BTBD18: variants seen among roughly 807,000 people sequenced by gnomAD.
The protein encoded by BTBD18 is BTB/POZ domain-containing protein 18.
For missense variants in BTBD18, 787 were observed against 846.3 expected, an observed-to-expected ratio of 0.93 and a Z score of 0.87; for synonymous variants, 311 against 324.4, an observed-to-expected ratio of 0.96 and a Z score of 0.44.
chr11:57,750,620 C>T (rs948694146), intron 2 of BTBD18, among the ~76,000 whole-genome samples: 1 of 151,674 alleles, frequency 6.6e-6, no homozygotes, highest in Non-Finnish European at 1.5e-5. Flanking sequence ...TCACTTGAAC[C>T]CAGGAGGTGG....
intron 2 of BTBD18, among the ~76,000 whole-genome samples, chr11:57,747,727 G>C (rs1949225251): frequency 6.6e-6 from 1 of 152,074 alleles, no homozygotes. Context: ...TTGAACTCCT[G>C]ACCTCAGGTG....
At chr11:57,750,246 A>G (rs1949279804) in intron 2 of BTBD18, among the ~76,000 whole-genome samples, 1 of 152,002 alleles carries the variant, frequency 6.6e-6, no homozygotes, top group Non-Finnish European at 1.5e-5. Context: ...GTGTGGTGGC[A>G]CGCACCTGTA....
chr11:57,751,379 C>T lies in BTBD18; in HGVS notation c.-48-143G>A, dbSNP rs78109339. ...CCCAGAAATTGTGCCAAGGATATCT[C>T]AAGAAAGAAAATTATCATAGTGGTT... On this transcript the variant is annotated intron_variant, in intron 1 of 2. Transcript: ENST00000422652. 13,871 of 452,232 alleles carry T rather than the reference C, an allele frequency of 0.031. 312 individuals are homozygous for T. The highest frequency in any genetic ancestry group is 0.037 in the Non-Finnish European group (9,633 of 260,312). The allele number at this position is 452,232 out of a possible 1,614,324, so 28.0% of individuals were successfully genotyped here.
rs760296393 is a variant in BTBD18, at chr11:57,745,140, T to C, written c.1133A>G (p.Lys378Arg). Reference protein sequence around the residue: ...CWEVVQETPLKNTQDSPQIPD... With the variant: ...CWEVVQETPLRNTQDSPQIPD... ...GATCTGGGGGCTATCTTGAGTGTTT[T>C]TGAGAGGAGTCTCTTGTACCACTTC... The change falls in exon 3 of 3, where the codon AAA becomes AGA. Residue 378 changes from lysine to arginine, a missense_variant. Coordinates refer to ENST00000422652, the MANE Select transcript of BTBD18 (RefSeq NM_001145101.3). 76 of 1,551,718 alleles carry C rather than the reference T, an allele frequency of 4.9e-5. No homozygotes were observed. The highest frequency in any genetic ancestry group is 3.7e-4 in the East Asian group (15 of 40,924).
In BTBD18 at chr11:57,745,678, C is replaced by T. The variant is rs778310503; in HGVS notation, c.595G>A (p.Asp199Asn). 5.8e-6 allele frequency: 9 copies of T among 1,551,558 alleles called. No homozygotes were observed. In the African/African-American group the frequency reaches 6.8e-5, roughly 12 times the overall value. The change falls in exon 3 of 3, where the codon GAC (aspartate) becomes AAC (asparagine). Residue 199 changes from aspartate (D) to asparagine (N), a missense_variant. Asp to Asn is a conservative substitution (Grantham distance 23). Transcript: ENST00000422652. ...AGCAGAAGAGTGCCAGACAAATTGT[C>T]TGCATTCTGTCGGTTGTTTTCCTGG... ...GPQENNRQNA[D>N]NLSGTLLLKR...
chr11:57,746,274 G>GA (rs1322912943), intron 2 of BTBD18, 126 bp from the exon 3 acceptor site: 1 of 705,568 alleles, frequency 1.4e-6, no homozygotes, highest in Non-Finnish European at 2.2e-6. Flanking sequence ...TCAAGTAAAA[G>GA]AAAAAAATTA....
intron 2 of BTBD18, among the ~76,000 whole-genome samples, chr11:57,748,067 G>A (rs1371060182): frequency 6.6e-6 from 1 of 152,144 alleles, no homozygotes; most frequent in Non-Finnish European, 1.5e-5. Flanking sequence ...CTCCCAAAGT[G>A]CTGGGATTGC....
Position 57,743,870 on chromosome 11 carries a change from G to T in BTBD18, c.*264C>A. 2.8e-6 allele frequency: 1 copy of T among 359,966 alleles called. No individual in the cohort carries two copies. The highest frequency in any genetic ancestry group is 4.5e-5 in the South Asian group (1 of 22,024). 22.3% of individuals were successfully genotyped at this position (359,966 alleles called of 1,614,324 possible). ...CTGTTACCTATGACCCACCAGAATT[G>T]GGGAGCACACAGTTTGTTTCAGTTG... On this transcript the variant is annotated 3_prime_UTR_variant, in exon 3 of 3. Coordinates refer to ENST00000422652, the MANE Select transcript of BTBD18 (RefSeq NM_001145101.3).
In BTBD18 at chr11:57,746,030, C is replaced by T. The variant is rs1949181289; in HGVS notation, c.243G>A (p.Leu81=). 1.3e-6 allele frequency: 2 copies of T among 1,551,578 alleles called. No homozygotes were observed. The highest frequency in any genetic ancestry group is 8.7e-7 in the Non-Finnish European group (1 of 1,146,988). Residue 81 remains leucine (L), a synonymous_variant, in exon 3 of 3, where the codon CTG becomes CTA. Coordinates refer to ENST00000422652, the MANE Select transcript of BTBD18 (RefSeq NM_001145101.3). The stretch of plus-strand genomic sequence containing the variant: ...CCAGCTTCCTAAGTGTGCTGATCTT[C>T]AGGCCACCCAGCTCTAGCACCACCT... The part of the protein sequence containing the change: ...GGKVVLELGG[L]KISTLRKLVD...
In BTBD18 at chr11:57,745,937, G is replaced by A; in HGVS notation, c.336C>T (p.Ala112=). 1 of 1,551,638 alleles carries A rather than the reference G, an allele frequency of 6.4e-7. No homozygotes were observed. The highest frequency in any genetic ancestry group is 1.2e-5 in the South Asian group (1 of 84,052). Residue 112 remains alanine (A), a synonymous_variant, in exon 3 of 3, where the codon GCC becomes GCT. Coordinates refer to ENST00000422652, the MANE Select transcript of BTBD18 (RefSeq NM_001145101.3). The stretch of plus-strand genomic sequence containing the variant: ...CCAGCTCAGACACACGGAGCTGACG[G>A]GCAGCAGATAGCACATCCTGGGCTT... The part of the protein sequence containing the change: ...QEEAQDVLSA[A]RQLRVSELES...
chr11:57,744,090 A>G lies in BTBD18; in HGVS notation c.*44T>C, dbSNP rs1212027815. 3.6e-6 allele frequency: 5 copies of G among 1,372,208 alleles called. No homozygotes were observed. The highest frequency in any genetic ancestry group is 1.4e-5 in the South Asian group (1 of 71,216). 85.0% of individuals were successfully genotyped at this position (1,372,208 alleles called of 1,614,324 possible). On this transcript the variant is annotated 3_prime_UTR_variant, in exon 3 of 3. Coordinates refer to ENST00000422652, the MANE Select transcript of BTBD18 (RefSeq NM_001145101.3). ...GCCAGTAAGCCTTTTGCTAGCTAAC[A>G]TTTCCCACCCTCCCAAGGCCCCTAA...
intron 2 of BTBD18, among the ~76,000 whole-genome samples, chr11:57,750,362 G>C (rs1241354955): frequency 6.6e-6 from 1 of 151,920 alleles, no homozygotes; most frequent in Non-Finnish European, 1.5e-5. Flanking sequence ...GGGAGACAGA[G>C]AGAGACTCTG....
chr11:57,751,189 G>A lies in BTBD18; in HGVS notation c.-1C>T, dbSNP rs1432904478. The A allele has an allele frequency of 6.5e-7, 1 of 1,537,594 alleles. No homozygotes were observed. The highest frequency in any genetic ancestry group is 8.8e-7 in the Non-Finnish European group (1 of 1,142,082). ...TTTTGGGACTGGCAGGAGAGCACATGTTGGCAAGAGTCTTAACAAACCTTC... is the reference window on the plus strand; with the variant it reads ...TTTTGGGACTGGCAGGAGAGCACATATTGGCAAGAGTCTTAACAAACCTTC... On this transcript the variant is annotated 5_prime_UTR_variant, in exon 2 of 3. Transcript: ENST00000422652.
At position 57,745,003 on chromosome 11, in the gene BTBD18, T is replaced by G; in HGVS notation, c.1270A>C (p.Thr424Pro). 6.4e-7 allele frequency: 1 copy of G among 1,551,678 alleles called. No homozygotes were observed. The highest frequency in any genetic ancestry group is 8.7e-7 in the Non-Finnish European group (1 of 1,146,966). Residue 424 changes from threonine (T) to proline (P), a missense_variant, in exon 3 of 3, where the codon ACT becomes CCT. Transcript: ENST00000422652. ...TELCQDSPMC[T>P]KLQDILVSAS... ...GAGACCAGAATGTCTTGTAGCTTAGTGCACATGGGGGAGTCCTGACACAGT... is the reference window on the plus strand; with the variant it reads ...GAGACCAGAATGTCTTGTAGCTTAGGGCACATGGGGGAGTCCTGACACAGT...
intron 2 of BTBD18, among the ~76,000 whole-genome samples, chr11:57,747,431 C>A (rs1949217554): frequency 6.6e-6 from 1 of 152,238 alleles, no homozygotes; most frequent in South Asian, 2.1e-4. Flanking sequence ...ACCCAGTTGC[C>A]TGAGCTTGAA....
intron 2 of BTBD18, among the ~76,000 whole-genome samples, chr11:57,746,583 C>G (rs559109360): frequency 6.6e-6 from 1 of 152,094 alleles, no homozygotes; most frequent in African/African-American, 2.4e-5. Flanking sequence ...CTCGGCCTCC[C>G]AGAGTGCTGA....
intron 2 of BTBD18, among the ~76,000 whole-genome samples, chr11:57,748,851 G>C (rs1424077469): frequency 6.6e-6 from 1 of 152,184 alleles, no homozygotes; most frequent in Admixed American, 6.6e-5. Context: ...ATGTCTCCCA[G>C]TGTCCTGAGA....
At chr11:57,750,174 G>A (rs1293745510) in intron 2 of BTBD18, among the ~76,000 whole-genome samples, 4 of 151,258 alleles carry the variant, frequency 2.6e-5, no homozygotes, top group East Asian at 2.0e-4. Flanking sequence ...TCAGGAGTTC[G>A]AGACCAGTCT....
In BTBD18 at chr11:57,745,624, G is replaced by C. The variant is rs1160660068; in HGVS notation, c.649C>G (p.Pro217Ala). The change falls in exon 3 of 3, where the codon CCA becomes GCA. Residue 217 changes from proline (P) to alanine (A), a missense_variant. Physicochemically the swap from Pro to Ala is conservative, Grantham distance 27. Coordinates refer to ENST00000422652, the MANE Select transcript of BTBD18 (RefSeq NM_001145101.3). ...LKRKARACPT[P>A]QEKNSSPSSH... ...GATGGTGAAGAGTTTTTTTCTTGTG[G>C]AGTTGGGCAGGCTCTGGCCTTCCTC... 1 of 1,551,656 alleles carries C rather than the reference G, an allele frequency of 6.4e-7. No homozygotes were observed.
Sources: allele counts gnomAD v4.1 joint callset (sites outside exome capture counted in the v4.1 genomes callset), GRCh38; gene constraint gnomAD v4.1.1; transcripts MANE v1.5; gene names NCBI Gene and HGNC (gene_info 2026-07-23, HGNC 2026-07-21).